The following SGSM2 variants were observed in gnomAD, a reference collection of about 807,000 sequenced individuals.
SGSM2 encodes RUN and TBC1 domain containing 1.
In SGSM2, 89 loss-of-function variants were observed where a neutral mutation model predicts 126.6. The observed-to-expected ratio is 0.70, with a 90% confidence interval of 0.59 to 0.84. The LOEUF (loss-of-function observed/expected upper bound fraction) is 0.84, where lower values mean the gene tolerates loss of function less well. Among genes scored for constraint, SGSM2 ranks in the 40% least tolerant of loss-of-function variants. SGSM2 has a pLI of 0.00. For missense variants in SGSM2, 1,404 were observed against 1,416.6 expected, an observed-to-expected ratio of 0.99 and a Z score of 0.14; for synonymous variants, 614 against 574.3, an observed-to-expected ratio of 1.07 and a Z score of -0.99.
chr17:2,353,162 T>A (rs1318420794), intron 2 of SGSM2, among the ~76,000 whole-genome samples: 1 of 152,112 alleles, frequency 6.6e-6, no homozygotes, highest in Non-Finnish European at 1.5e-5. Flanking sequence ...CTCTGGATCG[T>A]TTCTCTAATC....
At position 2,367,237 on chromosome 17, in the gene SGSM2, C is replaced by T; in HGVS notation, c.1289-34C>T. 4 of 1,598,336 alleles carry T rather than the reference C, an allele frequency of 2.5e-6. No individual in the cohort carries two copies. The South Asian group carries it at 3.4e-5, about 14-fold the overall frequency. The stretch of plus-strand genomic sequence containing the variant: ...CCGTCCTGCCCAGGGATGAGGGCCT[C>T]ATGCCTCTGCCTCTCGCTGTTCTCT... On this transcript the variant is annotated intron_variant, in intron 11 of 23. Coordinates refer to ENST00000268989, the MANE Select transcript of SGSM2 (RefSeq NM_014853.3). The surrounding 1 kb of genome is among the most constrained non-coding windows in gnomAD (Gnocchi z 4.0).
chr17:2,364,151 T>C lies in SGSM2; in HGVS notation c.900T>C (p.Asn300=), dbSNP rs1341135284. The change falls in exon 8 of 24, where the codon AAT becomes AAC. Residue 300 remains asparagine, a synonymous_variant. Coordinates refer to ENST00000268989, the MANE Select transcript of SGSM2 (RefSeq NM_014853.3). The part of the protein sequence containing the change: ...TLKWTPNQLM[N]GTLGDSELEK... ...AGTGGACCCCCAACCAGCTCATGAA[T>C]GGGACTCTGGGGGACTCCGAGCTGG... 2 of 1,613,918 alleles carry C rather than the reference T, an allele frequency of 1.2e-6. No individual in the cohort carries two copies. The highest frequency in any genetic ancestry group is 1.3e-5 in the African/African-American group (1 of 75,002).
Position 2,367,485 on chromosome 17 carries a change from C to T in SGSM2, c.1423+80C>T, listed in dbSNP as rs746063382. ...CCGCCTGCCACCCACCACAGGGGTTCGAACGGCAGTGTTGGCATTAGGGGA... is the reference window on the plus strand; with the variant it reads ...CCGCCTGCCACCCACCACAGGGGTTTGAACGGCAGTGTTGGCATTAGGGGA... On this transcript the variant is annotated intron_variant, in intron 12 of 23. Transcript: ENST00000268989. This position sits in a 1 kb window ranked among gnomAD's most constrained non-coding sequence, Gnocchi z 4.0. The T allele has an allele frequency of 1.9e-5, 29 of 1,492,052 alleles. No individual in the cohort carries two copies. Among genetic ancestry groups the T allele is most frequent in the Non-Finnish European group, 2.4e-5 (26 of 1,096,348 alleles). 92.4% of individuals were successfully genotyped at this position (1,492,052 alleles called of 1,614,324 possible).
rs371087687 is a variant in SGSM2 at position 2,339,037 on chromosome 17, C to T, written c.57+1292C>T. Among the ~76,000 whole-genome samples the T allele has an allele frequency of 1.7e-4, 25 of 150,722 alleles. No homozygotes were observed. In the South Asian group the frequency reaches 1.9e-3, roughly 11 times the overall value. ...TTGTGCCACTGCACTCCAGCCTGGGCGACAGAGTGAGACTCCGTCTCAAAA... is the reference window on the plus strand; with the variant it reads ...TTGTGCCACTGCACTCCAGCCTGGGTGACAGAGTGAGACTCCGTCTCAAAA... On this transcript the variant is annotated intron_variant, in intron 1 of 23. Coordinates refer to ENST00000268989, the MANE Select transcript of SGSM2 (RefSeq NM_014853.3).
At chr17:2,360,870 G>A (rs950932621) in intron 2 of SGSM2, among the ~76,000 whole-genome samples, 1 of 152,220 alleles carries the variant, frequency 6.6e-6, no homozygotes, top group Non-Finnish European at 1.5e-5. Flanking sequence ...GACTGTGATC[G>A]AGTTTCTTCC....
At position 2,376,950 on chromosome 17, in the gene SGSM2, TCC is replaced by T. The variant is rs1208806931; in HGVS notation, c.2693-6_2693-5del. ...CTGCCCTGCCAGCTTCACTCCTGTCTCCCCTCAGATCAGCTGGCCTACAGCTG... is the reference window on the plus strand; with the variant it reads ...CTGCCCTGCCAGCTTCACTCCTGTCTCCTCAGATCAGCTGGCCTACAGCTG... On this transcript the variant is annotated splice_polypyrimidine_tract_variant and splice_region_variant and intron_variant, in intron 20 of 23. Coordinates refer to ENST00000268989, the MANE Select transcript of SGSM2 (RefSeq NM_014853.3). 2 of 1,611,058 alleles carry T rather than the reference TCC, an allele frequency of 1.2e-6. No individual in the cohort carries two copies. Among genetic ancestry groups the T allele is most frequent in the Admixed American group, 3.3e-5 (2 of 59,952 alleles).
At chr17:2,377,822 G>C (rs1330327431) in intron 21 of SGSM2, 35 bp from the exon 22 acceptor site, 12 of 1,425,040 alleles carry the variant, frequency 8.4e-6, no homozygotes, top group Non-Finnish European at 9.9e-6. Context: ...ATCGGCTCAG[G>C]GCTCAGCCTC....
chr17:2,359,730 A>G (rs983760119), intron 2 of SGSM2, among the ~76,000 whole-genome samples: 1 of 152,218 alleles, frequency 6.6e-6, no homozygotes, highest in East Asian at 1.9e-4. Context: ...GCGGTCGCCT[A>G]GGGAAGGTGG....
At position 2,337,676 on chromosome 17, in the gene SGSM2, C is replaced by G. The variant is rs768515721; in HGVS notation, c.-13C>G. On this transcript the variant is annotated 5_prime_UTR_variant, in exon 1 of 24. Coordinates refer to ENST00000268989, the MANE Select transcript of SGSM2 (RefSeq NM_014853.3). This position sits in a 1 kb window ranked among gnomAD's most constrained non-coding sequence, Gnocchi z 5.1. ...GGCTCTGAGGACCGCTCGGCGCCGCCTCCTGCCACACCATGGGCAGCGCAG... is the reference window on the plus strand; with the variant it reads ...GGCTCTGAGGACCGCTCGGCGCCGCGTCCTGCCACACCATGGGCAGCGCAG... The G allele has an allele frequency of 1.8e-5, 26 of 1,482,570 alleles. No individual in the cohort carries two copies. Among genetic ancestry groups the G allele is most frequent in the Non-Finnish European group, 2.3e-5 (26 of 1,107,676 alleles). The allele number at this position is 1,482,570 out of a possible 1,614,324, so 91.8% of individuals were successfully genotyped here.
At chr17:2,373,718 G>A (rs2065995175) in intron 17 of SGSM2, 1 of 583,494 alleles carries the variant, frequency 1.7e-6, no homozygotes, top group Non-Finnish European at 3.0e-6. Flanking sequence ...GGAATAAAGT[G>A]AGAGAGTGCA....
At chr17:2,378,035 T>C in intron 22 of SGSM2, 82 bp downstream of exon 22, 1 of 890,534 alleles carries the variant, frequency 1.1e-6, no homozygotes, top group South Asian at 1.5e-5. Flanking sequence ...TTCTCAATCC[T>C]AACTGGACCT....
chr17:2,338,209 C>T (rs2064174970), intron 1 of SGSM2, among the ~76,000 whole-genome samples: 1 of 152,196 alleles, frequency 6.6e-6, no homozygotes, highest in Admixed American at 6.5e-5. Flanking sequence ...CCGACGTCCG[C>T]TGTGCCTCCA....
chr17:2,367,355 T>C lies in SGSM2; in HGVS notation c.1373T>C (p.Met458Thr), dbSNP rs1240130101. The C allele has an allele frequency of 2.5e-6, 4 of 1,614,102 alleles. No individual in the cohort carries two copies. The highest frequency in any genetic ancestry group is 2.2e-5 in the South Asian group (2 of 91,092). Residue 458 changes from methionine to threonine, a missense_variant, in exon 12 of 24, where the codon ATG becomes ACG. Physicochemically the swap from Met to Thr is moderately conservative, Grantham distance 81. Transcript: ENST00000268989. The surrounding 1 kb of genome is among the most constrained non-coding windows in gnomAD (Gnocchi z 4.0). ...DEEEEDKLHA[M>T]LSMICSRNLT... ...GAAGAGGAGGATAAACTGCACGCGA[T>C]GCTCTCAATGATCTGCTCGCGGAAC... is the stretch of plus-strand genomic sequence containing the variant.
At position 2,364,201 on chromosome 17, in the gene SGSM2, C is replaced by T. The variant is rs1465040131; in HGVS notation, c.932+18C>T. 1 of 1,613,242 alleles carries T rather than the reference C, an allele frequency of 6.2e-7. No individual in the cohort carries two copies. The highest frequency in any genetic ancestry group is 1.1e-5 in the South Asian group (1 of 91,066). ...GAAAAGAGGTGGGGGCTTTGGGACT[C>T]AATCCCAGGAGCCAGGGCAGGGAGT... On this transcript the variant is annotated intron_variant, in intron 8 of 23. Coordinates refer to ENST00000268989, the MANE Select transcript of SGSM2 (RefSeq NM_014853.3).
chr17:2,379,253 C>T, intron 23 of SGSM2, 50 bp downstream of exon 23: 2 of 1,591,180 alleles, frequency 1.3e-6, no homozygotes, highest in Non-Finnish European at 1.7e-6. Flanking sequence ...GGTGTGGAGG[C>T]CCCCACCTCT....
intron 1 of SGSM2, among the ~76,000 whole-genome samples, chr17:2,339,630 C>T (rs1174169312): frequency 6.6e-6 from 1 of 150,822 alleles, no homozygotes; most frequent in Admixed American, 6.6e-5. Context: ...ATGGCATGAA[C>T]CCGGGAGGCA....
At chr17:2,378,621 A>C (rs1293146024) in intron 22 of SGSM2, among the ~76,000 whole-genome samples, 1 of 152,238 alleles carries the variant, frequency 6.6e-6, no homozygotes, top group Non-Finnish European at 1.5e-5. Context: ...TGACAGTTAC[A>C]ACTCTCATAG....
Position 2,375,812 on chromosome 17 carries a change from GC to G in SGSM2, c.2423del (p.Pro808LeufsTer22). Reference sequence around the variant, plus strand: ...AGCCCCAGGATCCCAGCCAGGAGAAGCCTCAGGCCGGAGAACTGGAGGCCGG... The same window carrying G: ...AGCCCCAGGATCCCAGCCAGGAGAAGCTCAGGCCGGAGAACTGGAGGCCGG... Reference protein sequence around the residue: ...REPQDPSQEKPQAGELEAGEE... With the variant: ...REPQDPSQEKXQAGELEAGEE... On this transcript the variant is annotated frameshift_variant, in exon 18 of 24. Coordinates refer to ENST00000268989, the MANE Select transcript of SGSM2 (RefSeq NM_014853.3). LOFTEE classifies it high-confidence loss of function. The G allele has an allele frequency of 6.4e-7, 1 of 1,560,196 alleles. No individual in the cohort carries two copies. Among genetic ancestry groups the G allele is most frequent in the Non-Finnish European group, 8.7e-7 (1 of 1,153,962 alleles).
rs535725413 is a variant in SGSM2 at position 2,340,785 on chromosome 17, C to T, written c.58-2760C>T. ...ATTTTTAGTAGAGACGGGGTTTCAC[C>T]ATGTTAGCCAGGATGGTCTCGATCT... On this transcript the variant is annotated intron_variant, in intron 1 of 23. Coordinates refer to ENST00000268989, the MANE Select transcript of SGSM2 (RefSeq NM_014853.3). Among the ~76,000 whole-genome samples, 160 of 152,160 alleles carry T rather than the reference C, an allele frequency of 1.1e-3. 1 individual carries two copies. In the South Asian group the frequency reaches 0.016, roughly 15 times the overall value.
Sources: allele counts gnomAD v4.1 joint callset (sites outside exome capture counted in the v4.1 genomes callset), GRCh38; gene constraint gnomAD v4.1.1; non-coding constraint Gnocchi (gnomAD v3.1); transcripts MANE v1.5; gene names NCBI Gene and HGNC (gene_info 2026-07-23, HGNC 2026-07-21).